Variants in LINGO2 observed in about 807,000 individuals in gnomAD.
LINGO2 encodes leucine-rich repeat and immunoglobulin-like domain-containing nogo receptor-interacting protein 2.
Under a neutral mutation model 30.6 loss-of-function variants are expected in LINGO2, and 14 were observed. The observed-to-expected ratio is 0.46, with a 90% CI of 0.30 to 0.72. The LOEUF (loss-of-function observed/expected upper bound fraction) is 0.72, where lower values mean the gene tolerates loss of function less well. Among genes scored for constraint, LINGO2 ranks in the 30% least tolerant of loss-of-function variants. The probability of loss-of-function intolerance (pLI) is 0.07; values close to 1 mark genes in which losing one functional copy is unlikely to be tolerated. For synonymous variants in LINGO2, 317 were observed against 288.5 expected, an observed-to-expected ratio of 1.10 and a Z score of -1.00; for missense variants, 729 against 751.7, an observed-to-expected ratio of 0.97 and a Z score of 0.35.
At chr9:28,482,027 T>TA (rs1825991063) in intron 1 of LINGO2, among the ~76,000 whole-genome samples, 1 of 152,188 alleles carries the variant, frequency 6.6e-6, no homozygotes, top group Non-Finnish European at 1.5e-5. Context: ...CTATCATTGT[T>TA]AGACATTTGG....
intron 4 of LINGO2, among the ~76,000 whole-genome samples, chr9:28,265,111 T>A (rs1047335445): frequency 1.3e-5 from 2 of 151,842 alleles, no homozygotes; most frequent in African/African-American, 4.8e-5. Context: ...GCCCCACAAT[T>A]GTAAGAGCTA....
intron 4 of LINGO2, among the ~76,000 whole-genome samples, chr9:28,209,270 G>A (rs933766770): frequency 6.6e-6 from 1 of 151,922 alleles, no homozygotes; most frequent in African/African-American, 2.4e-5. Flanking sequence ...TGATATATAT[G>A]AGGCCTAGGT....
the LINGO2 span, among the ~76,000 whole-genome samples, chr9:28,773,990 T>C: frequency 6.6e-6 from 1 of 151,988 alleles, no homozygotes; most frequent in Non-Finnish European, 1.5e-5. Context: ...ACTTTTTTGA[T>C]ATGTTAAAAG....
chr9:28,010,343 T>C (rs1822492209), intron 5 of LINGO2, among the ~76,000 whole-genome samples: 1 of 152,200 alleles, frequency 6.6e-6, no homozygotes, highest in Admixed American at 6.5e-5. Context: ...TCAGCATGAC[T>C]CTGCCCTAAC....
chr9:28,632,051 G>A (rs1487933628), intron 1 of LINGO2, among the ~76,000 whole-genome samples: 1 of 152,152 alleles, frequency 6.6e-6, no homozygotes, highest in Non-Finnish European at 1.5e-5. Context: ...TTGCAGGAGG[G>A]AGTGCAGAAA....
At chr9:28,639,936 CA>C (rs1214104686) in intron 1 of LINGO2, among the ~76,000 whole-genome samples, 1 of 152,082 alleles carries the variant, frequency 6.6e-6, no homozygotes, top group Non-Finnish European at 1.5e-5. Context: ...TACAATTTGG[CA>C]TGTTTTTGCA....
chr9:28,754,015 C>G, the LINGO2 span, among the ~76,000 whole-genome samples: 2 of 82,098 alleles, frequency 2.4e-5, no homozygotes, highest in African/African-American at 7.8e-5. Context: ...TACACACACA[C>G]AAACACACAC....
the LINGO2 span, among the ~76,000 whole-genome samples, chr9:28,885,374 C>CACACACAT: frequency 4.0e-4 from 58 of 143,732 alleles, no homozygotes; most frequent in African/African-American, 1.3e-3. Context: ...CACACACACA[C>CACACACAT]ATATATATAT....
At chr9:28,406,976 G>A (rs1161304784) in intron 2 of LINGO2, among the ~76,000 whole-genome samples, 2 of 152,090 alleles carry the variant, frequency 1.3e-5, no homozygotes, top group Admixed American at 1.3e-4. Flanking sequence ...CTTAATTCCT[G>A]TGTTGGGTGC....
At chr9:29,091,873 G>T in the LINGO2 span, among the ~76,000 whole-genome samples, 1 of 151,932 alleles carries the variant, frequency 6.6e-6, no homozygotes, top group African/African-American at 2.4e-5. Context: ...TAATATTTTT[G>T]TTTTAGATTT....
rs1045293208 is a variant in LINGO2 at position 28,014,183 on chromosome 9, C to T, written c.-86-1778G>A. 3.3e-5 allele frequency among the ~76,000 whole-genome samples: 5 copies of T among 152,110 alleles called. No homozygotes were observed. In the East Asian group the frequency reaches 7.7e-4, roughly 24 times the overall value. On this transcript the variant is annotated intron_variant, in intron 4 of 5. Transcript: ENST00000379992. ...AACACATGAACACAGTTGGTGCGCT[C>T]GAGCATTTGGAAAATTAAATTATTC...
At chr9:28,084,059 T>C (rs888736136) in intron 4 of LINGO2, among the ~76,000 whole-genome samples, 1 of 152,162 alleles carries the variant, frequency 6.6e-6, no homozygotes, top group Non-Finnish European at 1.5e-5. Flanking sequence ...TGATGAAATA[T>C]TAATTAAAAG....
At chr9:28,797,335 T>TATAC in the LINGO2 span, among the ~76,000 whole-genome samples, 2 of 57,096 alleles carry the variant, frequency 3.5e-5, no homozygotes, top group African/African-American at 7.6e-5. Context: ...TATACATATA[T>TATAC]ATATATATAT....
At chr9:29,157,855 T>C in the LINGO2 span, among the ~76,000 whole-genome samples, 1 of 152,126 alleles carries the variant, frequency 6.6e-6, no homozygotes, top group Non-Finnish European at 1.5e-5. Flanking sequence ...TTTGACCTCC[T>C]CATGAAACAG....
chr9:28,866,332 T>C, the LINGO2 span, among the ~76,000 whole-genome samples: 1 of 152,300 alleles, frequency 6.6e-6, no homozygotes, highest in East Asian at 1.9e-4. Context: ...AACCCCTGTG[T>C]CATTTTCTAC....
At chr9:28,425,229 AAGTATAT>A (rs1425787936) in intron 2 of LINGO2, among the ~76,000 whole-genome samples, 18 of 148,260 alleles carry the variant, frequency 1.2e-4, no homozygotes, top group African/African-American at 4.4e-4. Context: ...AATTGCACAT[AAGTATAT>A]ATTACATATT....
At chr9:28,317,247 A>G in intron 3 of LINGO2, among the ~76,000 whole-genome samples, 1 of 147,292 alleles carries the variant, frequency 6.8e-6, no homozygotes, top group Admixed American at 6.7e-5. Flanking sequence ...TATTTGTGAG[A>G]AAAGAGAGAT....
the LINGO2 span, among the ~76,000 whole-genome samples, chr9:28,722,688 A>G: frequency 6.6e-6 from 1 of 152,146 alleles, no homozygotes; most frequent in Non-Finnish European, 1.5e-5. Flanking sequence ...TGTCTTTTGA[A>G]GGTCACTGAT....
chr9:28,739,408 T>C, the LINGO2 span, among the ~76,000 whole-genome samples: 483 of 152,042 alleles, frequency 3.2e-3, 2 homozygotes, highest in African/African-American at 0.011. Flanking sequence ...AAAAAGCTAT[T>C]TGGAATAAAA....
Sources: allele counts gnomAD v4.1 joint callset (sites outside exome capture counted in the v4.1 genomes callset), GRCh38; gene constraint gnomAD v4.1.1; transcripts MANE v1.5; gene names NCBI Gene and HGNC (gene_info 2026-07-23, HGNC 2026-07-21).